XRCC4: variants seen among roughly 807,000 people sequenced by gnomAD.
XRCC4 encodes the protein X-ray repair cross complementing 4, also known as DNA repair protein XRCC4.
A neutral mutation model predicts 39.1 loss-of-function variants in XRCC4; 28 were observed. That is an observed-to-expected ratio of 0.72 (90% CI 0.53 to 0.98). The LOEUF (loss-of-function observed/expected upper bound fraction) is 0.98, where lower values mean the gene tolerates loss of function less well. XRCC4 is among the 50% of genes least tolerant of loss of function. The pLI, the probability that XRCC4 is intolerant of heterozygous loss-of-function variation, is 0.00. For synonymous variants in XRCC4, 123 were observed against 126.4 expected, an observed-to-expected ratio of 0.97 and a Z score of 0.18; for missense variants, 350 against 376.4, an observed-to-expected ratio of 0.93 and a Z score of 0.58.
chr5:83,340,353 C>T (rs977143464), intron 7 of XRCC4, among the ~76,000 whole-genome samples: 4 of 151,992 alleles, frequency 2.6e-5, no homozygotes, highest in Non-Finnish European at 4.4e-5. Context: ...TGTTAGACCA[C>T]GTAGCAATGG....
chr5:83,355,662 C>G (rs1304714945), downstream of XRCC4, among the ~76,000 whole-genome samples: 3 of 151,932 alleles, frequency 2.0e-5, no homozygotes, highest in East Asian at 3.8e-4. Flanking sequence ...TTGTTTGAGA[C>G]AGAGCCTCAC....
At chr5:83,245,018 C>A (rs1288611651) in intron 6 of XRCC4, among the ~76,000 whole-genome samples, 2 of 152,010 alleles carry the variant, frequency 1.3e-5, no homozygotes, top group African/African-American at 4.8e-5. Flanking sequence ...AAAGATAAAT[C>A]ACACCAGCTT....
At chr5:83,142,544 A>G (rs1748232667) in intron 3 of XRCC4, among the ~76,000 whole-genome samples, 1 of 152,342 alleles carries the variant, frequency 6.6e-6, no homozygotes, top group South Asian at 2.1e-4. Flanking sequence ...TCCAGGTATA[A>G]AATTGGGAGG....
At chr5:83,365,549 C>T in the XRCC4 span, among the ~76,000 whole-genome samples, 353 of 152,240 alleles carry the variant, frequency 2.3e-3, no homozygotes, top group Non-Finnish European at 4.0e-3. Context: ...GAGACACATA[C>T]GGTTATACAG....
chr5:83,139,225 A>G (rs1281124626), intron 3 of XRCC4, among the ~76,000 whole-genome samples: 1 of 152,076 alleles, frequency 6.6e-6, no homozygotes, highest in Non-Finnish European at 1.5e-5. Context: ...TTTGAAGACT[A>G]CTGGCCATTG....
intron 6 of XRCC4, among the ~76,000 whole-genome samples, chr5:83,245,479 A>T (rs1158489105): frequency 1.3e-5 from 2 of 152,134 alleles, no homozygotes; most frequent in Non-Finnish European, 2.9e-5. Context: ...ATATGTAGCT[A>T]CTAGAAACCT....
chr5:83,197,921 T>C (rs1266406718), intron 4 of XRCC4, among the ~76,000 whole-genome samples: 2 of 152,106 alleles, frequency 1.3e-5, no homozygotes, highest in African/African-American at 4.8e-5. Flanking sequence ...CAAATTTGAT[T>C]TTCTTTCCTT....
intron 3 of XRCC4, among the ~76,000 whole-genome samples, chr5:83,165,765 C>T (rs1178672638): frequency 6.6e-6 from 1 of 152,090 alleles, no homozygotes; most frequent in East Asian, 1.9e-4. Context: ...TATTAGTTTG[C>T]CAAGGATTAT....
chr5:83,104,943 C>A lies in XRCC4; in HGVS notation c.24C>A (p.Ile8=), dbSNP rs1238668297. The change falls in exon 2 of 8, where the codon ATC becomes ATA. Residue 8 remains isoleucine, a synonymous_variant. Coordinates refer to ENST00000396027, the MANE Select transcript of XRCC4 (RefSeq NM_003401.5). ...AAATGGAGAGAAAAATAAGCAGAAT[C>A]CACCTTGTTTCTGAACCCAGTATAA... MERKISR[I]HLVSEPSITH... is the part of the protein sequence containing the mutation. 2.5e-6 allele frequency: 4 copies of A among 1,611,810 alleles called. No homozygotes were observed. The highest frequency in any genetic ancestry group is 1.1e-5 in the South Asian group (1 of 91,002).
chr5:83,255,918 C>G (rs1427999654), intron 6 of XRCC4, among the ~76,000 whole-genome samples: 1 of 152,050 alleles, frequency 6.6e-6, no homozygotes, highest in Non-Finnish European at 1.5e-5. Context: ...GTAAATAGGC[C>G]TCATGGGATT....
At chr5:83,164,344 A>G (rs1749357779) in intron 3 of XRCC4, among the ~76,000 whole-genome samples, 1 of 152,164 alleles carries the variant, frequency 6.6e-6, no homozygotes, top group African/African-American at 2.4e-5. Flanking sequence ...AATATTTTCA[A>G]TAAATCATTC....
the XRCC4 span, among the ~76,000 whole-genome samples, chr5:83,371,159 T>G: frequency 6.6e-6 from 1 of 152,190 alleles, no homozygotes; most frequent in African/African-American, 2.4e-5. Context: ...CCCTTCTCAC[T>G]AAGCTCCCTT....
At chr5:83,340,051 T>C (rs1286769695) in intron 7 of XRCC4, among the ~76,000 whole-genome samples, 1 of 152,166 alleles carries the variant, frequency 6.6e-6, no homozygotes, top group African/African-American at 2.4e-5. Context: ...AGTTCAGTTA[T>C]CTCTAGATAA....
chr5:83,254,112 A>T (rs1215040873), intron 6 of XRCC4, among the ~76,000 whole-genome samples: 1 of 137,802 alleles, frequency 7.3e-6, no homozygotes, highest in African/African-American at 3.3e-5. Context: ...CTTCTATTTA[A>T]AAAAAAAAAT....
intron 6 of XRCC4, among the ~76,000 whole-genome samples, chr5:83,230,257 A>T (rs1004078105): frequency 6.6e-6 from 1 of 152,068 alleles, no homozygotes; most frequent in African/African-American, 2.4e-5. Flanking sequence ...AACAAATTTC[A>T]AAGACTAATT....
At chr5:83,106,385 T>C (rs1162900192) in intron 2 of XRCC4, among the ~76,000 whole-genome samples, 1 of 152,120 alleles carries the variant, frequency 6.6e-6, no homozygotes, top group Non-Finnish European at 1.5e-5. Flanking sequence ...TATTTATAAC[T>C]TTAGGTATTT....
At chr5:83,339,787 A>C (rs1580529280) in intron 7 of XRCC4, among the ~76,000 whole-genome samples, 1 of 152,290 alleles carries the variant, frequency 6.6e-6, no homozygotes, top group South Asian at 2.1e-4. Flanking sequence ...TGGTTCTTTA[A>C]CAACCAGCCT....
At chr5:83,093,952 G>T (rs751014248) in intron 1 of XRCC4, among the ~76,000 whole-genome samples, 1 of 151,782 alleles carries the variant, frequency 6.6e-6, no homozygotes, top group Non-Finnish European at 1.5e-5. Context: ...TCCTGGTCTG[G>T]GGTTTCTGCT....
At chr5:83,235,992 C>T (rs750872416) in intron 6 of XRCC4, among the ~76,000 whole-genome samples, 3 of 151,892 alleles carry the variant, frequency 2.0e-5, no homozygotes, top group Non-Finnish European at 4.4e-5. Flanking sequence ...AAATAAAATG[C>T]TAGGAATAGA....
Sources: gnomAD v4.1 joint callset for allele counts (sites outside exome capture counted in the v4.1 genomes callset) on GRCh38, gnomAD v4.1.1 for gene constraint, MANE v1.5 for transcripts, NCBI Gene and HGNC (gene_info 2026-07-23, HGNC 2026-07-21) for gene names.